The following CFAP46 variants were observed in gnomAD, a reference collection of about 807,000 sequenced individuals.
CFAP46 encodes cilia- and flagella-associated protein 46.
CFAP46 carries 245 observed loss-of-function variants against 325.7 expected under a neutral mutation model. The observed-to-expected ratio is 0.75, with a 90% confidence interval of 0.68 to 0.84. The LOEUF (loss-of-function observed/expected upper bound fraction) is 0.84. Ranked by LOEUF, CFAP46 falls within the 40% of genes least tolerant of loss-of-function variation. CFAP46 has a pLI of 0.00. For synonymous variants in CFAP46, 1,523 were observed against 1,495.9 expected (o/e 1.02, Z -0.42); for missense variants, 3,346 against 3,543.0 (o/e 0.94, Z 1.41).
At chr10:132,833,887 G>A (rs1486337721) in intron 49 of CFAP46, among the ~76,000 whole-genome samples, 154 bp downstream of exon 49, 4 of 152,314 alleles carry the variant, frequency 2.6e-5, no homozygotes, top group African/African-American at 4.8e-5. Context: ...GACCTCAGGC[G>A]CAGGGAGGCC....
Position 132,941,571 on chromosome 10 carries a change from G to A in CFAP46, c.306+20C>T. 6.2e-7 allele frequency: 1 copy of A among 1,607,430 alleles called. No homozygotes were observed. Among genetic ancestry groups the A allele is most frequent in the Non-Finnish European group, 8.5e-7 (1 of 1,175,952 alleles). ...TGAAAATTGAACTGTTGGGGATAAG[G>A]GGCACAGGACGCCTCTCACCAGGTT... On this transcript the variant is annotated intron_variant, in intron 3 of 57. Transcript: ENST00000368586.
intron 56 of CFAP46, 35 bp downstream of exon 56, chr10:132,810,915 G>A: frequency 6.4e-7 from 1 of 1,551,038 alleles, no homozygotes; most frequent in Non-Finnish European, 8.7e-7. Context: ...TCCATCCTCA[G>A]CATCCCTGCC....
rs778593022 is a variant in CFAP46 at position 132,869,265 on chromosome 10, G to T, written c.4610+9C>A. The T allele has an allele frequency of 6.6e-7, 1 of 1,521,338 alleles. No individual in the cohort carries two copies. Among genetic ancestry groups the T allele is most frequent in the Non-Finnish European group, 8.8e-7 (1 of 1,132,308 alleles). The allele number at this position is 1,521,338 out of a possible 1,614,324, so 94.2% of individuals were successfully genotyped here. ...AACCCCAGGCGGCGCAGGGTGGGAC[G>T]GCACACACCTGGCCTGCTCCAGCTC... On this transcript the variant is annotated intron_variant, in intron 33 of 57. Coordinates refer to ENST00000368586, the MANE Select transcript of CFAP46 (RefSeq NM_001200049.3). The surrounding 1 kb of genome is among the most constrained non-coding windows in gnomAD (Gnocchi z 6.2).
chr10:132,930,412 G>A (rs372661868), intron 8 of CFAP46, among the ~76,000 whole-genome samples: 18 of 146,894 alleles, frequency 1.2e-4, no homozygotes, highest in Non-Finnish European at 2.5e-4. Context: ...CACAGAGCCT[G>A]AGCCTTCCTT....
At chr10:132,842,412 G>A (rs961973296) in intron 44 of CFAP46, among the ~76,000 whole-genome samples, 9 of 152,120 alleles carry the variant, frequency 5.9e-5, no homozygotes, top group African/African-American at 1.4e-4. Flanking sequence ...ACCACTTAAC[G>A]GATCTCTAAA....
intron 27 of CFAP46, among the ~76,000 whole-genome samples, chr10:132,882,065 T>C (rs1395006184): frequency 2.3e-5 from 3 of 131,874 alleles, no homozygotes; most frequent in Non-Finnish European, 4.9e-5. Flanking sequence ...GTGGTGCGTG[T>C]GGGATGTGGG....
intron 25 of CFAP46, among the ~76,000 whole-genome samples, chr10:132,890,688 G>T (rs1458900734): frequency 1.3e-5 from 2 of 151,956 alleles, no homozygotes; most frequent in African/African-American, 4.8e-5. Context: ...CCCATCTCCT[G>T]CTCAGCAACC....
intron 10 of CFAP46, among the ~76,000 whole-genome samples, chr10:132,926,186 T>C (rs1328931682): frequency 6.6e-6 from 1 of 152,190 alleles, no homozygotes; most frequent in African/African-American, 2.4e-5. Flanking sequence ...TTAGGACGCC[T>C]TCCCGGACTC....
In CFAP46 at chr10:132,927,178, C is replaced by A. The variant is rs369567814; in HGVS notation, c.967-512G>T. 7.9e-5 allele frequency among the ~76,000 whole-genome samples: 12 copies of A among 152,346 alleles called. No homozygotes were observed. In the East Asian group the frequency reaches 1.7e-3, roughly 22 times the overall value. On this transcript the variant is annotated intron_variant, in intron 9 of 57. Transcript: ENST00000368586. ...AACCCACCCCGCTCGAGGGGTGACA[C>A]CCCTAAACCCGCCCTGGCGTGAGGG... is the stretch of plus-strand genomic sequence containing the variant.
rs1565033241 is a variant in CFAP46 at position 132,817,286 on chromosome 10, GGTTACTCT to G, written c.7118-2380_7118-2373del. On this transcript the variant is annotated intron_variant, in intron 50 of 57. Transcript: ENST00000368586. This position sits in a 1 kb window ranked among gnomAD's most constrained non-coding sequence, Gnocchi z 4.4. ...CTGAGAGTCAGACACCGGCCCTCCG[GGTTACTCT>G]TAAATATTTACTCATTTTCCCTTCT... 6.6e-6 allele frequency among the ~76,000 whole-genome samples: 1 copy of G among 152,122 alleles called. No homozygotes were observed. Among genetic ancestry groups the G allele is most frequent in the East Asian group, 1.9e-4 (1 of 5,186 alleles).
chr10:132,937,467 C>T (rs771065804), intron 6 of CFAP46, 85 bp downstream of exon 6: 3 of 1,542,942 alleles, frequency 1.9e-6, no homozygotes, highest in African/African-American at 2.7e-5. Flanking sequence ...TCTCAGCAAA[C>T]TTATGTAATT....
At position 132,909,166 on chromosome 10, in the gene CFAP46, T is replaced by G. The variant is rs537009307; in HGVS notation, c.2728A>C (p.Met910Leu). ...GCCAGGGAGGGGACAGTGAAGTCCATGAGGCCCAGCCCGTTGCATGAGTAC... is the reference window on the plus strand; with the variant it reads ...GCCAGGGAGGGGACAGTGAAGTCCAGGAGGCCCAGCCCGTTGCATGAGTAC... ...EMYSCNGLGL[M>L]DFTVPSLAQL... Residue 910 changes from methionine to leucine, a missense_variant, in exon 21 of 58, where the codon ATG becomes CTG. Physicochemically the swap from Met to Leu is conservative, Grantham distance 15. Coordinates refer to ENST00000368586, the MANE Select transcript of CFAP46 (RefSeq NM_001200049.3). 1.3e-4 allele frequency: 195 copies of G among 1,549,934 alleles called. 1 individual carries two copies. The African/African-American group carries it at 2.4e-3, about 19-fold the overall frequency.
In CFAP46 at chr10:132,892,414, T is replaced by C. The variant is rs1174695521; in HGVS notation, c.3223A>G (p.Lys1075Glu). Residue 1075 changes from lysine (K) to glutamate (E), a missense_variant, in exon 25 of 58, where the codon AAA becomes GAA. Coordinates refer to ENST00000368586, the MANE Select transcript of CFAP46 (RefSeq NM_001200049.3). ...TGGTGCAGAAGCAGCGTCTTTCCTT[T>C]CTCCTAAAGTAACGCAAGTAAACGA... ...INKTEARKQEKGKTLLLHQWP... is the reference protein window; with the variant it reads ...INKTEARKQEEGKTLLLHQWP... 6.4e-7 allele frequency: 1 copy of C among 1,550,684 alleles called. No individual in the cohort carries two copies. The highest frequency in any genetic ancestry group is 1.2e-5 in the South Asian group (1 of 84,040).
intron 33 of CFAP46, 110 bp from the exon 34 acceptor site, chr10:132,867,617 G>C: frequency 7.4e-7 from 1 of 1,344,744 alleles, no homozygotes; most frequent in Non-Finnish European, 9.9e-7. Flanking sequence ...CATTCTTCAC[G>C]CGCGTGTTTA....
In CFAP46 at chr10:132,919,513, G is replaced by A. The variant is rs1591091258; in HGVS notation, c.1731-71C>T. 1 of 1,487,026 alleles carries A rather than the reference G, an allele frequency of 6.7e-7. No homozygotes were observed. The highest frequency in any genetic ancestry group is 1.4e-5 in the African/African-American group (1 of 70,726). 92.1% of individuals were successfully genotyped at this position (1,487,026 alleles called of 1,614,324 possible). On this transcript the variant is annotated intron_variant, in intron 14 of 57. Coordinates refer to ENST00000368586, the MANE Select transcript of CFAP46 (RefSeq NM_001200049.3). The surrounding 1 kb of genome is among the most constrained non-coding windows in gnomAD (Gnocchi z 9.7). Reference sequence around the variant, plus strand: ...TGGTTGCTGAAGTTAGAAAACACCTGGGCTGGCTGCCTGAGAAAAGGCCAC... The same window carrying A: ...TGGTTGCTGAAGTTAGAAAACACCTAGGCTGGCTGCCTGAGAAAAGGCCAC...
At chr10:132,852,733 G>A (rs982886960) in intron 39 of CFAP46, among the ~76,000 whole-genome samples, 9 of 152,190 alleles carry the variant, frequency 5.9e-5, no homozygotes, top group African/African-American at 1.7e-4. Flanking sequence ...ATTTACCTAG[G>A]TATTCTCAAA....
chr10:132,834,629 C>A, intron 48 of CFAP46, 25 bp downstream of exon 48: 3 of 1,610,882 alleles, frequency 1.9e-6, no homozygotes, highest in Non-Finnish European at 2.5e-6. Context: ...TGGTGGGGTG[C>A]CAGCCTCAAC....
chr10:132,837,051 C>G, intron 44 of CFAP46, 137 bp from the exon 45 acceptor site: 1 of 663,940 alleles, frequency 1.5e-6, no homozygotes, highest in Non-Finnish European at 2.6e-6. Context: ...AGGCTGGGCC[C>G]TTGGGGTGGG....
At chr10:132,895,551 T>C (rs1335521135) in intron 24 of CFAP46, among the ~76,000 whole-genome samples, 1 of 151,810 alleles carries the variant, frequency 6.6e-6, no homozygotes, top group African/African-American at 2.4e-5. Context: ...ACAGATGACA[T>C]GATCCTATAC....
Sources: gnomAD v4.1 joint callset for allele counts (sites outside exome capture counted in the v4.1 genomes callset) on GRCh38, gnomAD v4.1.1 for gene constraint, Gnocchi (gnomAD v3.1) non-coding constraint, MANE v1.5 for transcripts, NCBI Gene and HGNC (gene_info 2026-07-23, HGNC 2026-07-21) for gene names.